ZNF507: variants seen among roughly 807,000 people sequenced by gnomAD.
The protein encoded by ZNF507 is zinc finger protein 507.
ZNF507 carries 29 observed loss-of-function variants against 80.0 expected under a neutral mutation model. The ratio of observed to expected loss-of-function variants is 0.36; its 90% confidence interval spans 0.27 to 0.49. ZNF507 has a LOEUF of 0.49. Among genes scored for constraint, ZNF507 ranks in the 20% least tolerant of loss-of-function variants. The pLI is 0.98. For synonymous variants in ZNF507, 462 were observed against 422.5 expected, an observed-to-expected ratio of 1.09 and a Z score of -1.15; for missense variants, 1,081 against 1,152.2, an observed-to-expected ratio of 0.94 and a Z score of 0.90.
intron 2 of ZNF507, among the ~76,000 whole-genome samples, chr19:32,348,124 C>G (rs1010636908): frequency 1.3e-5 from 2 of 152,134 alleles, no homozygotes; most frequent in African/African-American, 4.8e-5. Flanking sequence ...CAATCTAAAA[C>G]TCACAGAGAC....
Position 32,353,412 on chromosome 19 carries a change from A to T in ZNF507, c.582A>T (p.Val194=). 1 of 1,614,244 alleles carries T rather than the reference A, an allele frequency of 6.2e-7. No individual in the cohort carries two copies. The highest frequency in any genetic ancestry group is 8.5e-7 in the Non-Finnish European group (1 of 1,180,042). The part of the protein sequence containing the change: ...IHTQSKAQQC[V]SPSSSLCRKT... ...CCCAATCCAAAGCCCAACAGTGCGT[A>T]AGCCCCTCCAGCTCTTTGTGTCGGA... Residue 194 remains valine, a synonymous_variant, in exon 3 of 7, where the codon GTA becomes GTT. Transcript: ENST00000355898.
chr19:32,381,846 A>G (rs1416764073), intron 5 of ZNF507, among the ~76,000 whole-genome samples: 2 of 152,192 alleles, frequency 1.3e-5, no homozygotes, highest in Non-Finnish European at 1.5e-5. Context: ...AAGGCATCTA[A>G]AAAATAAAGT....
intron 5 of ZNF507, among the ~76,000 whole-genome samples, chr19:32,362,962 C>G (rs1335207821): frequency 6.6e-6 from 1 of 152,194 alleles, no homozygotes; most frequent in African/African-American, 2.4e-5. Flanking sequence ...TACTCACCAT[C>G]CTTTGCCTTC....
Position 32,354,505 on chromosome 19 carries a change from C to G in ZNF507, c.1675C>G (p.Gln559Glu), listed in dbSNP as rs1386494967. The G allele has an allele frequency of 6.2e-7, 1 of 1,614,112 alleles. No individual in the cohort carries two copies. Among genetic ancestry groups the G allele is most frequent in the Admixed American group, 1.7e-5 (1 of 60,028 alleles). ...NSSDGLTSLN[Q>E]SNSTLVALPE... ...TTCAGATGGATTAACTAGTCTTAAC[C>G]AAAGCAACTCCACCTTGGTAGCACT... Residue 559 changes from glutamine to glutamate, a missense_variant, in exon 3 of 7, where the codon CAA (glutamine) becomes GAA (glutamate). Around this residue, in one of 6 missense-constraint regions of ZNF507, gnomAD observed 614 missense variants for 583.9 expected, o/e 1.05. Coordinates refer to ENST00000355898, the MANE Select transcript of ZNF507 (RefSeq NM_001136156.2).
intron 5 of ZNF507, among the ~76,000 whole-genome samples, chr19:32,373,924 A>G (rs1032978327): frequency 2.0e-5 from 3 of 152,152 alleles, no homozygotes; most frequent in Admixed American, 6.5e-5. Flanking sequence ...CGGGAAGTGA[A>G]CTGCATAGCA....
chr19:32,354,096 A>G lies in ZNF507; in HGVS notation c.1266A>G (p.Glu422=), dbSNP rs201657508. Residue 422 remains glutamate, a synonymous_variant, in exon 3 of 7, where the codon GAA becomes GAG. Transcript: ENST00000355898. ...TCCTCATGAACACTGAAATGGAAGA[A>G]GGGAAGGACCTGAGCCTGACAGAAG... ...KRFLMNTEME[E]GKDLSLTEAQ... The G allele has an allele frequency of 8.9e-5, 144 of 1,613,764 alleles. No individual in the cohort carries two copies. The highest frequency in any genetic ancestry group is 1.3e-4 in the Admixed American group (8 of 60,002).
intron 4 of ZNF507, chr19:32,359,095 T>G (rs904075710): frequency 3.9e-5 from 6 of 152,234 alleles, no homozygotes; most frequent in Admixed American, 6.5e-5. Context: ...TATCCAATAT[T>G]TCACACTTCA....
At chr19:32,346,620 G>T (rs1475758825) in intron 1 of ZNF507, among the ~76,000 whole-genome samples, 7 of 152,176 alleles carry the variant, frequency 4.6e-5, no homozygotes, top group Admixed American at 3.9e-4. Context: ...CTTCAGGGGA[G>T]CCCTAAAGAT....
At chr19:32,356,838 C>T (rs1967259595) in intron 4 of ZNF507, 105 bp downstream of exon 4, 5 of 834,042 alleles carry the variant, frequency 6.0e-6, no homozygotes, top group Non-Finnish European at 1.0e-5. Context: ...CTATATTCTC[C>T]TCCATTTTTG....
intron 5 of ZNF507, among the ~76,000 whole-genome samples, chr19:32,369,005 C>T (rs979646646): frequency 6.6e-6 from 1 of 152,212 alleles, no homozygotes; most frequent in Non-Finnish European, 1.5e-5. Flanking sequence ...AACCAACATC[C>T]TTATCTCCTT....
In ZNF507 at chr19:32,384,646, A is replaced by G. The variant is rs183275314; in HGVS notation, c.*1563A>G. ...AAAGTCCAGGTATGATTGGATTAAT[A>G]TTTATAAAATTATTATTAGGAATTA... On this transcript the variant is annotated 3_prime_UTR_variant, in exon 7 of 7. Coordinates refer to ENST00000355898, the MANE Select transcript of ZNF507 (RefSeq NM_001136156.2). 2.0e-5 allele frequency: 3 copies of G among 152,232 alleles called. No homozygotes were observed. In the East Asian group the frequency reaches 5.8e-4, roughly 29 times the overall value. 9.4% of individuals were successfully genotyped at this position (152,232 alleles called of 1,614,324 possible). A position where few individuals can be genotyped will look rare whatever the true frequency, so the allele number is the denominator to read the frequency against.
chr19:32,347,472 A>G (rs1967111456), intron 2 of ZNF507, 134 bp downstream of exon 2: 1 of 152,092 alleles, frequency 6.6e-6, no homozygotes, highest in African/African-American at 2.4e-5. Flanking sequence ...AGGAGCTGTT[A>G]CTCTTTTCAG....
At chr19:32,355,107 T>C (rs1568304003) in intron 3 of ZNF507, 150 bp downstream of exon 3, 1 of 731,762 alleles carries the variant, frequency 1.4e-6, no homozygotes, top group Non-Finnish European at 2.2e-6. Context: ...GATCCCAACT[T>C]ACCAGTATTA....
intron 5 of ZNF507, among the ~76,000 whole-genome samples, chr19:32,367,333 A>G (rs372437394): frequency 2.0e-5 from 3 of 152,174 alleles, no homozygotes; most frequent in African/African-American, 7.2e-5. Flanking sequence ...TTGGGGATCA[A>G]ATTTCGACAT....
chr19:32,362,722 G>C (rs189987861), intron 5 of ZNF507, among the ~76,000 whole-genome samples: 1 of 152,278 alleles, frequency 6.6e-6, no homozygotes, highest in East Asian at 1.9e-4. Context: ...AGTTGTCCTA[G>C]GGTCTTCCTA....
In ZNF507 at chr19:32,360,145, A is replaced by G. The variant is rs112635736; in HGVS notation, c.2246-359A>G. On this transcript the variant is annotated intron_variant, in intron 4 of 6. Transcript: ENST00000355898. The stretch of plus-strand genomic sequence containing the variant: ...GTGTTTCTGTAAGACAGTATATCCA[A>G]TATTGGTTAGAGTAACACCTATTTG... Among the ~76,000 whole-genome samples the G allele has an allele frequency of 1.1e-3, 166 of 152,326 alleles. 2 individuals carry two copies. Among genetic ancestry groups the G allele is most frequent in the African/African-American group, 3.2e-3 (135 of 41,588 alleles).
rs751477683 is a variant in ZNF507, at chr19:32,354,583, A to G, written c.1753A>G (p.Met585Val). 6.2e-7 allele frequency: 1 copy of G among 1,614,194 alleles called. No individual in the cohort carries two copies. The highest frequency in any genetic ancestry group is 2.2e-5 in the East Asian group (1 of 44,880). Residue 585 changes from methionine (M) to valine (V), a missense_variant, in exon 3 of 7, where the codon ATG becomes GTG. Physicochemically the swap from Met to Val is conservative, Grantham distance 21 (BLOSUM62 1). Transcript: ENST00000355898. ...TGGGCAGGTTAAGACAGGCATCAGCATGTCCTTACTCACCGTCATTGAAAA... is the reference window on the plus strand; with the variant it reads ...TGGGCAGGTTAAGACAGGCATCAGCGTGTCCTTACTCACCGTCATTGAAAA... ...SDGQVKTGIS[M>V]SLLTVIEKLR...
intron 5 of ZNF507, among the ~76,000 whole-genome samples, chr19:32,372,298 C>T (rs979314435): frequency 6.6e-6 from 1 of 152,018 alleles, no homozygotes; most frequent in Non-Finnish European, 1.5e-5. Context: ...TTATACTTGC[C>T]TATATTCCAT....
chr19:32,355,691 C>G (rs945658784), intron 3 of ZNF507, among the ~76,000 whole-genome samples: 5 of 152,050 alleles, frequency 3.3e-5, no homozygotes, highest in African/African-American at 7.2e-5. Context: ...TAAGGGCTAA[C>G]TAGGAGGTAG....
Sources: allele counts gnomAD v4.1 joint callset (sites outside exome capture counted in the v4.1 genomes callset), GRCh38; gene constraint gnomAD v4.1.1; regional missense constraint gnomAD v4.1.1; transcripts MANE v1.5; gene names NCBI Gene and HGNC (gene_info 2026-07-23, HGNC 2026-07-21).